The following ADGRL3 variants were observed in gnomAD, a reference collection of about 807,000 sequenced individuals.
ADGRL3 encodes the protein calcium-independent alpha-latrotoxin receptor 3.
Under a neutral mutation model 153.5 loss-of-function variants are expected in ADGRL3, and 62 were observed. The ratio of observed to expected loss-of-function variants is 0.40; its 90% confidence interval spans 0.33 to 0.50. The LOEUF is 0.50. ADGRL3 is among the 20% of genes least tolerant of loss of function. ADGRL3 has a pLI of 0.47. For synonymous variants in ADGRL3, 710 were observed against 672.5 expected, an observed-to-expected ratio of 1.06 and a Z score of -0.86; for missense variants, 1,641 against 1,859.4, an observed-to-expected ratio of 0.88 and a Z score of 2.16.
chr4:61,646,555 C>A (rs1434854581), intron 5 of ADGRL3, among the ~76,000 whole-genome samples: 2 of 150,730 alleles, frequency 1.3e-5, no homozygotes, highest in East Asian at 3.9e-4. Context: ...GTCAGTCTGC[C>A]CGTACTGAGG....
chr4:61,719,620 T>TC (rs1303049392), intron 6 of ADGRL3, among the ~76,000 whole-genome samples: 5 of 151,178 alleles, frequency 3.3e-5, no homozygotes, highest in African/African-American at 1.2e-4. Flanking sequence ...TTTTTTTTTT[T>TC]AAGACAGAGT....
chr4:61,897,474 C>G (rs2098638325), intron 11 of ADGRL3, among the ~76,000 whole-genome samples: 1 of 152,092 alleles, frequency 6.6e-6, no homozygotes, highest in East Asian at 1.9e-4. Context: ...CTGGTTAAAC[C>G]ATGGATAGCT....
At position 61,494,086 on chromosome 4, in the gene ADGRL3, T is replaced by G. The variant is rs1055343398; in HGVS notation, c.-173-3035T>G. Among the ~76,000 whole-genome samples the G allele has an allele frequency of 8.7e-4, 133 of 152,010 alleles. 2 individuals are homozygous for G. Among genetic ancestry groups the G allele is most frequent in the South Asian group, 1.2e-3 (6 of 4,828 alleles). On this transcript the variant is annotated intron_variant, in intron 2 of 26. Coordinates refer to ENST00000683033, the MANE Select transcript of ADGRL3 (RefSeq NM_001387552.1). ...TCATTTACTTTACTGTGTCCTGTTT[T>G]TTTTTTTTTTTCACTACAGTATGGG...
chr4:61,700,821 G>A (rs577463580), intron 6 of ADGRL3, among the ~76,000 whole-genome samples: 8 of 152,204 alleles, frequency 5.3e-5, no homozygotes, highest in African/African-American at 1.7e-4. Flanking sequence ...GCTCAACAGC[G>A]CTAATAGCTT....
chr4:62,043,317 A>G (rs1282413148), intron 24 of ADGRL3, among the ~76,000 whole-genome samples: 1 of 152,038 alleles, frequency 6.6e-6, no homozygotes, highest in Non-Finnish European at 1.5e-5. Context: ...GGTAATTAAT[A>G]TTTTTAATTA....
chr4:61,914,300 A>T (rs1464462486), intron 13 of ADGRL3, among the ~76,000 whole-genome samples: 1 of 152,156 alleles, frequency 6.6e-6, no homozygotes, highest in African/African-American at 2.4e-5. Flanking sequence ...AGGGAAGGAA[A>T]GATTTCTTTT....
chr4:61,621,818 T>G (rs2092537038), intron 5 of ADGRL3, among the ~76,000 whole-genome samples: 1 of 152,170 alleles, frequency 6.6e-6, no homozygotes, highest in African/African-American at 2.4e-5. Flanking sequence ...AATTTAAAAT[T>G]AAAGAAGAAA....
intron 1 of ADGRL3, among the ~76,000 whole-genome samples, chr4:61,206,982 C>CAAAA (rs1737549804): frequency 6.9e-6 from 1 of 144,298 alleles, no homozygotes; most frequent in Non-Finnish European, 1.5e-5. Context: ...GACTGTGTCT[C>CAAAA]AAAAAATAAA....
At chr4:61,930,840 C>T (rs2098814944) in intron 13 of ADGRL3, among the ~76,000 whole-genome samples, 1 of 151,700 alleles carries the variant, frequency 6.6e-6, no homozygotes, top group Admixed American at 6.6e-5. Flanking sequence ...CCGTACCTAC[C>T]CTCAAATTGA....
intron 17 of ADGRL3, among the ~76,000 whole-genome samples, chr4:61,978,690 A>C (rs10030755): frequency 0.19 from 29,483 of 152,120 alleles, 3,485 homozygotes; most frequent in East Asian, 0.44. Flanking sequence ...GAAATGAAGT[A>C]ATTGACAACC....
At chr4:61,223,125 A>G (rs553225960) in intron 1 of ADGRL3, among the ~76,000 whole-genome samples, 3 of 152,252 alleles carry the variant, frequency 2.0e-5, no homozygotes, top group African/African-American at 7.2e-5. Context: ...TGAAAGTCAG[A>G]TTATCTCTCT....
Position 61,200,564 on chromosome 4 carries a change from C to G in ADGRL3, c.-1441C>G, listed in dbSNP as rs1254850286. 1.3e-5 allele frequency among the ~76,000 whole-genome samples: 2 copies of G among 151,468 alleles called. No homozygotes were observed. The highest frequency in any genetic ancestry group is 2.9e-5 in the Non-Finnish European group (2 of 67,870). On this transcript the variant is annotated 5_prime_UTR_variant, in exon 1 of 27. Transcript: ENST00000683033. ...TCTCGGACTGCTCGTTGCCTCCGCT[C>G]CGGCAGCTGCTGCCGCCGCCACCGC...
chr4:61,244,190 A>G (rs2149357765), intron 1 of ADGRL3, among the ~76,000 whole-genome samples: 1 of 152,158 alleles, frequency 6.6e-6, no homozygotes, highest in East Asian at 1.9e-4. Context: ...AGTAAATATG[A>G]TGAAAGGGGA....
intron 1 of ADGRL3, among the ~76,000 whole-genome samples, chr4:61,291,627 A>AAT (rs2094217541): frequency 7.3e-6 from 1 of 137,802 alleles, no homozygotes; most frequent in African/African-American, 2.7e-5. Flanking sequence ...TATATATATA[A>AAT]AATATTTATT....
chr4:61,935,293 T>TA (rs908082122), intron 14 of ADGRL3, among the ~76,000 whole-genome samples: 1 of 152,192 alleles, frequency 6.6e-6, no homozygotes, highest in African/African-American at 2.4e-5. Flanking sequence ...TTCGTTTTTT[T>TA]AAAGGACTTT....
intron 8 of ADGRL3, among the ~76,000 whole-genome samples, chr4:61,784,279 T>A (rs1306843003): frequency 6.6e-6 from 1 of 152,172 alleles, no homozygotes; most frequent in Non-Finnish European, 1.5e-5. Context: ...AATTAAAAGA[T>A]GAAATCTAAC....
In ADGRL3 at chr4:61,453,462, C is replaced by T. The variant is rs777370201; in HGVS notation, c.-173-43659C>T. Among the ~76,000 whole-genome samples the T allele has an allele frequency of 8.7e-4, 133 of 152,036 alleles. 1 individual carries two copies. The highest frequency in any genetic ancestry group is 2.6e-3 in the Admixed American group (40 of 15,256). ...ATGCATTATCTCAGAGCATTGTGTT[C>T]CGGGCACACCTCCTGTAGATAGCTG... On this transcript the variant is annotated intron_variant, in intron 2 of 26. Coordinates refer to ENST00000683033, the MANE Select transcript of ADGRL3 (RefSeq NM_001387552.1).
chr4:61,220,385 A>T (rs1744929954), intron 1 of ADGRL3, among the ~76,000 whole-genome samples: 1 of 152,174 alleles, frequency 6.6e-6, no homozygotes, highest in Non-Finnish European at 1.5e-5. Context: ...CTCTGAGCCT[A>T]AACCATGGGA....
chr4:61,966,213 A>T (rs1256630034), intron 17 of ADGRL3, among the ~76,000 whole-genome samples: 1 of 152,176 alleles, frequency 6.6e-6, no homozygotes, highest in Admixed American at 6.5e-5. Flanking sequence ...TTTGTTCAGT[A>T]CCTGGCACAT....
Sources: allele counts gnomAD v4.1 joint callset (sites outside exome capture counted in the v4.1 genomes callset), GRCh38; gene constraint gnomAD v4.1.1; transcripts MANE v1.5; gene names NCBI Gene and HGNC (gene_info 2026-07-23, HGNC 2026-07-21).